Variants in CREB5 observed in about 807,000 individuals in gnomAD.
CREB5 encodes cyclic AMP-responsive element-binding protein 5.
In CREB5, 19 loss-of-function variants were observed where a neutral mutation model predicts 57.1. The observed-to-expected ratio is 0.33, with a 90% confidence interval of 0.23 to 0.49. The LOEUF (loss-of-function observed/expected upper bound fraction) is 0.49. CREB5 is among the 20% of genes least tolerant of loss of function. The pLI is 0.99. For missense variants in CREB5, 579 were observed against 671.6 expected (o/e 0.86, Z 1.52); for synonymous variants, 238 against 238.3 (o/e 1.00, Z 0.01).
chr7:28,648,539 C>T (rs1798994954), intron 5 of CREB5, among the ~76,000 whole-genome samples: 1 of 151,926 alleles, frequency 6.6e-6, no homozygotes, highest in Non-Finnish European at 1.5e-5. Context: ...AGTTCAAGAC[C>T]AGCCTGGGAA....
At chr7:28,519,754 C>T (rs1227765001) in intron 4 of CREB5, among the ~76,000 whole-genome samples, 2 of 152,206 alleles carry the variant, frequency 1.3e-5, no homozygotes, top group Admixed American at 6.5e-5. Context: ...TGGTGTATTT[C>T]GCAGGAAAAA....
At chr7:28,419,975 T>G (rs1788177434) in intron 1 of CREB5, among the ~76,000 whole-genome samples, 1 of 152,206 alleles carries the variant, frequency 6.6e-6, no homozygotes, top group Non-Finnish European at 1.5e-5. Context: ...TGAAGCAGCA[T>G]GTAATTTGAA....
rs553461148 is a variant in CREB5, at chr7:28,760,722, T to C, written c.702+36390T>C. 1.8e-3 allele frequency among the ~76,000 whole-genome samples: 279 copies of C among 152,206 alleles called. 2 individuals are homozygous for C. Among genetic ancestry groups the C allele is most frequent in the African/African-American group, 6.2e-3 (257 of 41,520 alleles). Reference sequence around the variant, plus strand: ...GAGACAAGAAGGAGTAATAAAAGCATTGAATAAAAAAGAAGAAGAAAAAGA... The same window carrying C: ...GAGACAAGAAGGAGTAATAAAAGCACTGAATAAAAAAGAAGAAGAAAAAGA... On this transcript the variant is annotated intron_variant, in intron 7 of 10. Coordinates refer to ENST00000357727, the MANE Select transcript of CREB5 (RefSeq NM_182898.4).
chr7:28,656,858 T>G (rs1799351733), intron 5 of CREB5, among the ~76,000 whole-genome samples: 1 of 152,172 alleles, frequency 6.6e-6, no homozygotes, highest in Admixed American at 6.5e-5. Flanking sequence ...AAGATTTTTT[T>G]TTTTCTCTTT....
intron 5 of CREB5, among the ~76,000 whole-genome samples, chr7:28,653,430 G>T (rs1019001401): frequency 6.6e-6 from 1 of 152,136 alleles, no homozygotes; most frequent in Non-Finnish European, 1.5e-5. Flanking sequence ...GACTGAGTGT[G>T]GGTGAAAACA....
intron 7 of CREB5, among the ~76,000 whole-genome samples, chr7:28,780,857 T>A (rs773531504): frequency 3.1e-4 from 47 of 151,876 alleles, no homozygotes; most frequent in Non-Finnish European, 8.8e-5. Context: ...TTTCTCCCTG[T>A]TTGCACTGTA....
In CREB5 at chr7:28,314,151, G is replaced by A. The variant is rs144576981; in HGVS notation, c.-25+14710G>A. On this transcript the variant is annotated intron_variant, in intron 1 of 9. Coordinates refer to the CREB5 transcript ENST00000396299. ...GTATTCACTGCCTTTGAAGTGCAGC[G>A]ATCCTGATGTTTCTTGTAGCTATGT... 4.9e-3 allele frequency among the ~76,000 whole-genome samples: 742 copies of A among 152,260 alleles called. 4 individuals are homozygous for A. Among genetic ancestry groups the A allele is most frequent in the Non-Finnish European group, 7.7e-3 (527 of 68,026 alleles).
intron 1 of CREB5, among the ~76,000 whole-genome samples, chr7:28,484,893 C>T (rs1428060778): frequency 1.3e-5 from 2 of 152,196 alleles, no homozygotes; most frequent in Non-Finnish European, 2.9e-5. Flanking sequence ...TCAATTAAGA[C>T]AGTAGAATCT....
At chr7:28,642,197 A>C (rs942733501) in intron 5 of CREB5, among the ~76,000 whole-genome samples, 1 of 152,218 alleles carries the variant, frequency 6.6e-6, no homozygotes, top group Non-Finnish European at 1.5e-5. Context: ...AGTCTTGTTC[A>C]TTGACATAAA....
Position 28,819,338 on chromosome 7 carries a change from T to C in CREB5, c.*59T>C, listed in dbSNP as rs970288257. The C allele has an allele frequency of 6.0e-5, 91 of 1,522,042 alleles. No individual in the cohort carries two copies. Among genetic ancestry groups the C allele is most frequent in the Non-Finnish European group, 7.8e-5 (88 of 1,131,520 alleles). 94.3% of individuals were successfully genotyped at this position (1,522,042 alleles called of 1,614,324 possible). A position where few individuals can be genotyped will look rare whatever the true frequency, so the allele number is the denominator to read the frequency against. ...TGTAGCGTACCATGCGTCCTTTCTT[T>C]TAAGGGCATTTTTAGAATTAACTCA... On this transcript the variant is annotated 3_prime_UTR_variant, in exon 11 of 11. Transcript: ENST00000357727.
intron 5 of CREB5, among the ~76,000 whole-genome samples, chr7:28,690,447 C>T (rs1801191890): frequency 6.6e-6 from 1 of 152,190 alleles, no homozygotes; most frequent in African/African-American, 2.4e-5. Flanking sequence ...TAATATCAAG[C>T]AGGCATTGCC....
intron 5 of CREB5, among the ~76,000 whole-genome samples, chr7:28,653,122 C>T (rs1165072221): frequency 6.6e-6 from 1 of 152,074 alleles, no homozygotes; most frequent in Admixed American, 6.6e-5. Flanking sequence ...CCATGTAAAG[C>T]GTAACATCAA....
At chr7:28,576,836 A>C (rs1451700319) in intron 5 of CREB5, among the ~76,000 whole-genome samples, 5 of 152,200 alleles carry the variant, frequency 3.3e-5, no homozygotes, top group Non-Finnish European at 7.3e-5. Context: ...AGAGTTCCTG[A>C]AGCTTCCATG....
intron 5 of CREB5, among the ~76,000 whole-genome samples, chr7:28,689,672 G>A (rs1308185876): frequency 2.0e-5 from 3 of 152,128 alleles, no homozygotes; most frequent in African/African-American, 7.2e-5. Context: ...TTCAAATGCA[G>A]CCTTAAATCT....
At chr7:28,565,249 C>CGTAG (rs1795431806) in intron 4 of CREB5, among the ~76,000 whole-genome samples, 1 of 152,192 alleles carries the variant, frequency 6.6e-6, no homozygotes, top group Non-Finnish European at 1.5e-5. Context: ...AGGCAGGAAT[C>CGTAG]CTTTTGGTGA....
chr7:28,299,995 AATGTGTT>A (rs1785071635), intron 1 of CREB5, among the ~76,000 whole-genome samples: 2 of 152,118 alleles, frequency 1.3e-5, no homozygotes, highest in Admixed American at 1.3e-4. Flanking sequence ...ATTTTTGTGT[AATGTGTT>A]GCCCTTTTCA....
In CREB5 at chr7:28,406,915, T is replaced by G. The variant is rs978331736; in HGVS notation, c.-24-87991T>G. 4.6e-4 allele frequency among the ~76,000 whole-genome samples: 34 copies of G among 73,842 alleles called. 2 individuals are homozygous for G. Among genetic ancestry groups the G allele is most frequent in the Admixed American group, 4.4e-3 (32 of 7,310 alleles). 48.4% of individuals were successfully genotyped at this position (73,842 alleles called of 152,430 possible). A position where few individuals can be genotyped will look rare whatever the true frequency, so the allele number is the denominator to read the frequency against. On this transcript the variant is annotated intron_variant, in intron 1 of 9. Coordinates refer to the CREB5 transcript ENST00000396299. Reference sequence around the variant, plus strand: ...AAGGTTCCCTTTTCATTTATTTAGTTAAGTTTGTAAAAAAAAAAAAATCAC... The same window carrying G: ...AAGGTTCCCTTTTCATTTATTTAGTGAAGTTTGTAAAAAAAAAAAAATCAC...
chr7:28,424,042 T>G (rs557771541), intron 1 of CREB5, among the ~76,000 whole-genome samples: 1 of 152,346 alleles, frequency 6.6e-6, no homozygotes, highest in East Asian at 1.9e-4. Flanking sequence ...CCAGGGCCTG[T>G]GAGGAAGAAT....
chr7:28,600,169 C>T (rs310359), intron 5 of CREB5, among the ~76,000 whole-genome samples: 148,060 of 152,148 alleles, frequency 0.97, 72,119 homozygotes, highest in Non-Finnish European at 0.99. Context: ...ATGGTCCTCA[C>T]AGCCTCTCTT....
Sources: gnomAD v4.1 joint callset for allele counts (sites outside exome capture counted in the v4.1 genomes callset) on GRCh38, gnomAD v4.1.1 for gene constraint, MANE v1.5 for transcripts, NCBI Gene and HGNC (gene_info 2026-07-23, HGNC 2026-07-21) for gene names.